The following AVL9 variants were observed in gnomAD, a reference collection of about 807,000 sequenced individuals.
AVL9 encodes the protein AVL9 cell migration associated, also known as late secretory pathway protein AVL9 homolog.
AVL9 carries 49 observed loss-of-function variants against 79.2 expected under a neutral mutation model. That is an observed-to-expected ratio of 0.62 (90% CI 0.49 to 0.79). The LOEUF (loss-of-function observed/expected upper bound fraction) is 0.79. Among genes scored for constraint, AVL9 ranks in the 30% least tolerant of loss-of-function variants. AVL9 has a pLI of 0.00. For missense variants in AVL9, 682 were observed against 776.8 expected, an observed-to-expected ratio of 0.88 and a Z score of 1.45; for synonymous variants, 299 against 280.6, an observed-to-expected ratio of 1.07 and a Z score of -0.65.
chr7:32,527,237 T>A (rs1345997186), intron 1 of AVL9, among the ~76,000 whole-genome samples: 1 of 152,190 alleles, frequency 6.6e-6, no homozygotes, highest in African/African-American at 2.4e-5. Flanking sequence ...TCCTGCTTCC[T>A]GTAGAATTAA....
At chr7:32,505,611 CA>C (rs1261056701) in intron 1 of AVL9, among the ~76,000 whole-genome samples, 113 of 152,000 alleles carry the variant, frequency 7.4e-4, no homozygotes, top group African/African-American at 2.6e-3. Flanking sequence ...AGAGGCTTTT[CA>C]AAATTGCCAT....
intron 10 of AVL9, among the ~76,000 whole-genome samples, chr7:32,568,024 TTTTAA>T (rs981083216): frequency 2.6e-5 from 4 of 151,458 alleles, no homozygotes; most frequent in Non-Finnish European, 5.9e-5. Context: ...CCAGCCCTTT[TTTTAA>T]TTTAATTTTT....
chr7:32,566,558 G>C (rs576279178), intron 10 of AVL9, among the ~76,000 whole-genome samples: 102 of 378 alleles, frequency 0.27, no homozygotes, highest in African/African-American at 0.45. Context: ...TTTTAAAAAA[G>C]TTACCTACAA....
At chr7:32,504,137 T>G (rs965337371) in intron 1 of AVL9, among the ~76,000 whole-genome samples, 5 of 152,228 alleles carry the variant, frequency 3.3e-5, no homozygotes, top group African/African-American at 1.2e-4. Flanking sequence ...TGAAGAAAAT[T>G]GAAATGTTAA....
chr7:32,510,165 C>A (rs1031101707), intron 1 of AVL9, among the ~76,000 whole-genome samples: 1 of 151,852 alleles, frequency 6.6e-6, no homozygotes. Context: ...CACTTCTGAA[C>A]TGCCCCAGTA....
intron 12 of AVL9, among the ~76,000 whole-genome samples, chr7:32,574,208 A>G (rs1790983551): frequency 1.3e-5 from 2 of 149,442 alleles, no homozygotes; most frequent in South Asian, 4.3e-4. Context: ...GGCATTAGAT[A>G]CATTCATTGT....
intron 6 of AVL9, among the ~76,000 whole-genome samples, chr7:32,552,862 C>T (rs79199986): frequency 0.02 from 3,062 of 152,220 alleles, 39 homozygotes; most frequent in Non-Finnish European, 0.03. Context: ...GCTTAATTCC[C>T]TATCATAACA....
At chr7:32,530,925 C>A (rs1788619432) in intron 1 of AVL9, among the ~76,000 whole-genome samples, 1 of 152,074 alleles carries the variant, frequency 6.6e-6, no homozygotes, top group Admixed American at 6.6e-5. Flanking sequence ...CACTGCACTC[C>A]AGCCTCAGTG....
chr7:32,560,952 G>A (rs1248765751), intron 10 of AVL9, among the ~76,000 whole-genome samples: 1 of 152,158 alleles, frequency 6.6e-6, no homozygotes, highest in East Asian at 1.9e-4. Flanking sequence ...TATTGTGAAA[G>A]GAATCTTTTT....
chr7:32,579,550 T>TATATTA (rs1562802262), intron 13 of AVL9, among the ~76,000 whole-genome samples: 3 of 3,418 alleles, frequency 8.8e-4, no homozygotes, highest in Admixed American at 8.6e-3. Context: ...ATATTATATA[T>TATATTA]TATATATTAT....
In AVL9 at chr7:32,559,048, G is replaced by C. The variant is rs1195921001; in HGVS notation, c.799G>C (p.Ala267Pro). Reference protein sequence around the residue: ...CADDFVSASTADVSHTNLGTI... With the variant: ...CADDFVSASTPDVSHTNLGTI... ...AGATGATTTTGTTTCTGCATCCACT[G>C]CTGATGTTTCACATACCAACTTGGG... is the stretch of plus-strand genomic sequence containing the variant. The change falls in exon 10 of 16, where the codon GCT (alanine) becomes CCT (proline). Residue 267 changes from alanine (A) to proline (P), a missense_variant. By Grantham distance (27) the Ala-to-Pro change is conservative. Coordinates refer to ENST00000318709, the MANE Select transcript of AVL9 (RefSeq NM_015060.3). 1.9e-6 allele frequency: 3 copies of C among 1,614,096 alleles called. 1 individual carries two copies. The South Asian group carries it at 3.3e-5, about 18-fold the overall frequency.
In AVL9 at chr7:32,559,018, T is replaced by C. The variant is rs2290213; in HGVS notation, c.769T>C (p.Cys257Arg). The C allele has an allele frequency of 2.4e-3, 3,843 of 1,613,892 alleles. 53 individuals carry two copies. The African/African-American group carries it at 0.039, about 16-fold the overall frequency. ...TGGTGGGCTTCAGGAAAGTAACCCA[T>C]GTGCAGATGATTTTGTTTCTGCATC... ...EDGGLQESNP[C>R]ADDFVSASTA... Residue 257 changes from cysteine (C) to arginine (R), a missense_variant, in exon 10 of 16, where the codon TGT becomes CGT. By Grantham distance (180) the Cys-to-Arg change is radical. Transcript: ENST00000318709.
intron 1 of AVL9, among the ~76,000 whole-genome samples, chr7:32,506,067 G>A (rs2128114513): frequency 6.6e-6 from 1 of 152,154 alleles, no homozygotes; most frequent in Middle Eastern, 3.4e-3. Flanking sequence ...ATTCTATGAA[G>A]ATGTATATTT....
At chr7:32,523,141 G>A (rs1410271734) in intron 1 of AVL9, among the ~76,000 whole-genome samples, 3 of 133,446 alleles carry the variant, frequency 2.2e-5, no homozygotes, top group Non-Finnish European at 3.1e-5. Flanking sequence ...AAACATTGGG[G>A]TAATTAACCA....
At chr7:32,552,173 C>G (rs1562783378) in intron 5 of AVL9, 56 bp from the exon 6 acceptor site, 26 of 1,104,570 alleles carry the variant, frequency 2.4e-5, no homozygotes, top group Non-Finnish European at 8.2e-6. Flanking sequence ...CAATATATTT[C>G]TAATTCAGAT....
intron 1 of AVL9, among the ~76,000 whole-genome samples, chr7:32,541,394 T>C (rs192276762): frequency 6.3e-4 from 96 of 152,312 alleles, no homozygotes; most frequent in African/African-American, 2.1e-3. Flanking sequence ...TGTTTAGTAA[T>C]AATTACCAGG....
intron 10 of AVL9, among the ~76,000 whole-genome samples, chr7:32,566,262 C>T (rs1303679040): frequency 2.2e-5 from 3 of 138,888 alleles, no homozygotes; most frequent in South Asian, 2.4e-4. Flanking sequence ...CTGCAACCTC[C>T]ACCTCCTGTG....
rs1290583148 is a variant in AVL9 at position 32,495,635 on chromosome 7, TCCGCA to T, written c.-73_-69del. Reference sequence around the variant, plus strand: ...CGCTGACACCCGAAGTCCGCGGCTTTCCGCACACGGTGGGGTCGTCAGACCCGCTG... The same window carrying T: ...CGCTGACACCCGAAGTCCGCGGCTTTCACGGTGGGGTCGTCAGACCCGCTG... On this transcript the variant is annotated 5_prime_UTR_variant, in exon 1 of 16. Transcript: ENST00000318709. The T allele has an allele frequency of 1.9e-6, 2 of 1,056,482 alleles. No individual in the cohort carries two copies. The highest frequency in any genetic ancestry group is 3.3e-5 in the African/African-American group (2 of 60,664). 65.4% of individuals were successfully genotyped at this position (1,056,482 alleles called of 1,614,324 possible).
At position 32,559,464 on chromosome 7, in the gene AVL9, G is replaced by A; in HGVS notation, c.1215G>A (p.Lys405=). ...GCATGCCCCTGGCCATCTTCACAAA[G>A]GTAAAGTGTAATATTTTTTATCGAA... ...QYGMPLAIFT[K]GYLCLPYMAL... Residue 405 remains lysine (K), a splice_region_variant and synonymous_variant, in exon 10 of 16, where the codon AAG becomes AAA. Coordinates refer to ENST00000318709, the MANE Select transcript of AVL9 (RefSeq NM_015060.3). 2.0e-6 allele frequency: 3 copies of A among 1,518,590 alleles called. No individual in the cohort carries two copies. The highest frequency in any genetic ancestry group is 1.3e-5 in the South Asian group (1 of 74,076). The allele number at this position is 1,518,590 out of a possible 1,614,324, so 94.1% of individuals were successfully genotyped here.
Sources: allele counts gnomAD v4.1 joint callset (sites outside exome capture counted in the v4.1 genomes callset), GRCh38; gene constraint gnomAD v4.1.1; transcripts MANE v1.5; gene names NCBI Gene and HGNC (gene_info 2026-07-23, HGNC 2026-07-21).